The following GAB3 variants were observed in gnomAD, a reference collection of about 807,000 sequenced individuals.
GAB3 encodes GRB2 associated binding protein 3, also known as GRB2-associated-binding protein 3.
Under a neutral mutation model 40.4 loss-of-function variants are expected in GAB3, and 12 were observed. The ratio of observed to expected loss-of-function variants is 0.30; its 90% CI spans 0.19 to 0.48. The LOEUF is 0.48. Ranked by LOEUF, GAB3 falls within the 20% of genes least tolerant of loss-of-function variation. The pLI is 0.99. For missense variants in GAB3, 381 were observed against 461.9 expected (o/e 0.82, Z 1.61); for synonymous variants, 154 against 176.7 (o/e 0.87, Z 1.02).
intron 1 of GAB3, among the ~76,000 whole-genome samples, chrX:154,739,070 A>G (rs1007437388): frequency 4.5e-5 from 5 of 112,030 alleles, no homozygotes; most frequent in Non-Finnish European, 9.4e-5. Flanking sequence ...GCCTAATTAA[A>G]TCATCATCTA....
intron 1 of GAB3, among the ~76,000 whole-genome samples, chrX:154,747,917 T>G (rs1014600003): frequency 2.6e-4 from 29 of 112,341 alleles, no homozygotes; most frequent in African/African-American, 9.0e-4. Context: ...AAATTAAATA[T>G]GCAACAAAGA....
chrX:154,688,945 G>T (rs920771649), intron 8 of GAB3, among the ~76,000 whole-genome samples: 8 of 110,946 alleles, frequency 7.2e-5, no homozygotes, highest in African/African-American at 2.6e-4. Context: ...TACCAAAGCC[G>T]GGCAGAGACA....
rs184152620 is a variant in GAB3 at position 154,724,218 on chromosome X, G to A, written c.73-7889C>T. On this transcript the variant is annotated intron_variant, in intron 1 of 9. Coordinates refer to ENST00000424127, the MANE Select transcript of GAB3 (RefSeq NM_001081573.3). ...AAAAATTAGCCAGGTGTGATGGCAC[G>A]CACCTGTAATCCCAACTACTCAGGA... 7.2e-3 allele frequency among the ~76,000 whole-genome samples: 795 copies of A among 109,834 alleles called. 8 individuals are homozygous for A. Among genetic ancestry groups the A allele is most frequent in the African/African-American group, 0.025 (760 of 30,141 alleles).
intron 2 of GAB3, 146 bp downstream of exon 2, chrX:154,715,880 G>T: frequency 1.8e-6 from 1 of 568,515 alleles, no homozygotes; most frequent in Non-Finnish European, 2.9e-6. Context: ...TTCCAGTATT[G>T]TATTTGGTAG....
chrX:154,711,308 A>G (rs1181745935), intron 4 of GAB3, among the ~76,000 whole-genome samples: 3 of 112,071 alleles, frequency 2.7e-5, no homozygotes, highest in Non-Finnish European at 5.6e-5. Context: ...CTGTCTGTGT[A>G]TCTGAGAGAT....
intron 1 of GAB3, among the ~76,000 whole-genome samples, chrX:154,737,916 G>A (rs781916119): frequency 8.9e-6 from 1 of 111,776 alleles, no homozygotes; most frequent in African/African-American, 3.3e-5. Context: ...CTTGAACCTG[G>A]GAGGTGGAGG....
At position 154,676,600 on chromosome X, in the gene GAB3, A is replaced by G. The variant is rs1227832168; in HGVS notation, c.*1578T>C. The stretch of plus-strand genomic sequence containing the variant: ...ACCAGAACCTGCTTCTTTGAAAATC[A>G]AAACGGCTTCTTTGAAAATCAAAAT... On this transcript the variant is annotated 3_prime_UTR_variant, in exon 10 of 10. Coordinates refer to ENST00000424127, the MANE Select transcript of GAB3 (RefSeq NM_001081573.3). 8.9e-6 allele frequency: 1 copy of G among 112,292 alleles called. No homozygotes were observed. The highest frequency in any genetic ancestry group is 1.9e-5 in the Non-Finnish European group (1 of 53,257). 9.3% of individuals were successfully genotyped at this position (112,292 alleles called of 1,213,427 possible). A position where few individuals can be genotyped will look rare whatever the true frequency, so the allele number is the denominator to read the frequency against.
intron 4 of GAB3, among the ~76,000 whole-genome samples, chrX:154,705,818 A>G (rs1477407585): frequency 8.9e-6 from 1 of 112,270 alleles, no homozygotes; most frequent in African/African-American, 3.2e-5. Flanking sequence ...TGCACATGAC[A>G]TAATATTAAA....
At chrX:154,685,712 T>C (rs1240134248) in intron 8 of GAB3, among the ~76,000 whole-genome samples, 2 of 111,788 alleles carry the variant, frequency 1.8e-5, no homozygotes, top group Non-Finnish European at 3.8e-5. Context: ...TGTTCAAAGA[T>C]AGACAGGGAA....
At chrX:154,713,138 G>T in intron 3 of GAB3, 69 bp downstream of exon 3, 1 of 873,568 alleles carries the variant, frequency 1.1e-6, no homozygotes, top group Non-Finnish European at 1.7e-6. Context: ...GACTGCAAGA[G>T]GAGGCAGTGT....
chrX:154,709,595 GTC>G (rs1462342099), intron 4 of GAB3, among the ~76,000 whole-genome samples: 1 of 109,653 alleles, frequency 9.1e-6, no homozygotes, highest in Non-Finnish European at 1.9e-5. Flanking sequence ...TGGGATTACA[GTC>G]TGAGCCACCG....
At chrX:154,689,760 T>C (rs1447738463) in intron 8 of GAB3, among the ~76,000 whole-genome samples, 1 of 108,304 alleles carries the variant, frequency 9.2e-6, no homozygotes, top group Non-Finnish European at 1.9e-5. Flanking sequence ...CTCAAGGAAA[T>C]AAAAGAGGAT....
In GAB3 at chrX:154,716,030, A is replaced by C. The variant is rs2148460815; in HGVS notation, c.372T>G (p.Gly124=). 1.7e-6 allele frequency: 2 copies of C among 1,208,587 alleles called. No homozygotes were observed. Among genetic ancestry groups the C allele is most frequent in the East Asian group, 5.9e-5 (2 of 33,874 alleles). The change falls in exon 2 of 10, where the codon GGT becomes GGG. Residue 124 remains glycine, a synonymous_variant. Transcript: ENST00000424127. The part of the protein sequence containing the change: ...QVCNLGHLED[G]AADSMESLSY... ...GAGCCCCAACTCCGCTCTTACCTGC[A>C]CCATCCTCCAGGTGGCCAAGGTTGC...
At chrX:154,701,870 A>G (rs1257296491) in intron 4 of GAB3, among the ~76,000 whole-genome samples, 1 of 111,995 alleles carries the variant, frequency 8.9e-6, no homozygotes, top group Non-Finnish European at 1.9e-5. Context: ...AGAGTACACC[A>G]AAAAATAGAA....
At chrX:154,712,829 C>T (rs2070976060) in intron 3 of GAB3, 128 bp from the exon 4 acceptor site, 1 of 423,163 alleles carries the variant, frequency 2.4e-6, no homozygotes, top group South Asian at 5.5e-5. Flanking sequence ...ATTCCCTCTA[C>T]AACACTCAGT....
chrX:154,725,260 C>T (rs782197935), intron 1 of GAB3, among the ~76,000 whole-genome samples: 1 of 111,434 alleles, frequency 9.0e-6, no homozygotes, highest in Non-Finnish European at 1.9e-5. Flanking sequence ...TTACAGCAGC[C>T]CTGGGAAACT....
chrX:154,689,822 G>A (rs372114604), intron 8 of GAB3, among the ~76,000 whole-genome samples: 2 of 102,104 alleles, frequency 2.0e-5, no homozygotes, highest in African/African-American at 6.8e-5. Context: ...AATCAATATC[G>A]TGAAAATGGC....
rs2070673794 is a variant in GAB3 at position 154,697,228 on chromosome X, G to A, written c.1346-15C>T. ...AGGTGGCCGTGCTACAAGACAGTGTGCAACATCCAGGAGGTCAAGGCCAGA... is the reference window on the plus strand; with the variant it reads ...AGGTGGCCGTGCTACAAGACAGTGTACAACATCCAGGAGGTCAAGGCCAGA... On this transcript the variant is annotated splice_polypyrimidine_tract_variant and intron_variant, in intron 6 of 9. Coordinates refer to ENST00000424127, the MANE Select transcript of GAB3 (RefSeq NM_001081573.3). 1.8e-6 allele frequency: 2 copies of A among 1,117,302 alleles called. No homozygotes were observed. Among genetic ancestry groups the A allele is most frequent in the Non-Finnish European group, 1.2e-6 (1 of 834,473 alleles). The allele number at this position is 1,117,302 out of a possible 1,213,427, so 92.1% of individuals were successfully genotyped here. A position where few individuals can be genotyped will look rare whatever the true frequency, so the allele number is the denominator to read the frequency against.
intron 8 of GAB3, among the ~76,000 whole-genome samples, chrX:154,689,289 A>G (rs1557248711): frequency 9.1e-6 from 1 of 109,970 alleles, no homozygotes; most frequent in African/African-American, 3.3e-5. Flanking sequence ...GCTATCTATG[A>G]CAAACCCACA....
Sources: gnomAD v4.1 joint callset for allele counts (sites outside exome capture counted in the v4.1 genomes callset) on GRCh38, gnomAD v4.1.1 for gene constraint, MANE v1.5 for transcripts, NCBI Gene and HGNC (gene_info 2026-07-23, HGNC 2026-07-21) for gene names.